ZC3H12B: variants seen among roughly 807,000 people sequenced by gnomAD.
ZC3H12B encodes zinc finger CCCH-type containing 12B.
A neutral mutation model predicts 43.9 loss-of-function variants in ZC3H12B; 7 were observed. The observed-to-expected ratio is 0.16, with a 90% CI of 0.09 to 0.30. The LOEUF is 0.30. ZC3H12B is among the 10% of genes least tolerant of loss of function. ZC3H12B has a pLI of 1.00. For synonymous variants in ZC3H12B, 222 were observed against 241.7 expected, an observed-to-expected ratio of 0.92 and a Z score of 0.76; for missense variants, 475 against 670.2, an observed-to-expected ratio of 0.71 and a Z score of 3.22.
the ZC3H12B span, among the ~76,000 whole-genome samples, chrX:65,069,420 GA>G: frequency 7.9e-4 from 86 of 109,534 alleles, no homozygotes; most frequent in African/African-American, 2.8e-3. Context: ...TTCTGCTACT[GA>G]AGGACTTTGA....
At chrX:65,214,126 T>C in the ZC3H12B span, among the ~76,000 whole-genome samples, 1 of 111,479 alleles carries the variant, frequency 9.0e-6, no homozygotes, top group African/African-American at 3.3e-5. Context: ...AGTTGTAATA[T>C]TTTTACTGGT....
chrX:65,379,665 C>T (rs1007462777), intron 2 of ZC3H12B, among the ~76,000 whole-genome samples: 54 of 111,833 alleles, frequency 4.8e-4, no homozygotes, highest in Admixed American at 6.6e-4. Context: ...ATCCAAGCTA[C>T]GGGAGGACAT....
the ZC3H12B span, among the ~76,000 whole-genome samples, chrX:65,102,794 T>G: frequency 9.0e-6 from 1 of 111,441 alleles, no homozygotes; most frequent in Admixed American, 9.5e-5. Context: ...AGAGAAATTT[T>G]AAAGCTGGGT....
the ZC3H12B span, among the ~76,000 whole-genome samples, chrX:65,159,801 G>T: frequency 7.2e-5 from 8 of 111,631 alleles, no homozygotes; most frequent in South Asian, 3.8e-4. Flanking sequence ...AACACTATGT[G>T]GAAGAGGAGT....
At chrX:65,195,496 T>C in the ZC3H12B span, among the ~76,000 whole-genome samples, 2 of 112,507 alleles carry the variant, frequency 1.8e-5, no homozygotes, top group African/African-American at 6.5e-5. Flanking sequence ...AACTTTTTGT[T>C]GTTTCTATGT....
the ZC3H12B span, chrX:65,185,854 G>A: frequency 9.0e-6 from 1 of 111,363 alleles, no homozygotes; most frequent in Non-Finnish European, 1.9e-5. Flanking sequence ...ATTTCCTAAA[G>A]CTCATATAGC....
At chrX:65,257,628 A>T in the ZC3H12B span, among the ~76,000 whole-genome samples, 1 of 111,219 alleles carries the variant, frequency 9.0e-6, no homozygotes, top group East Asian at 2.8e-4. Flanking sequence ...CTTTAAAAAA[A>T]AATAGACTGC....
chrX:65,038,892 T>A, the ZC3H12B span, among the ~76,000 whole-genome samples: 1 of 111,652 alleles, frequency 9.0e-6, no homozygotes, highest in Admixed American at 9.5e-5. Context: ...CTTTATTATA[T>A]CATTGGACTA....
chrX:65,299,056 T>A, the ZC3H12B span, among the ~76,000 whole-genome samples: 1 of 111,655 alleles, frequency 9.0e-6, no homozygotes, highest in Non-Finnish European at 1.9e-5. Flanking sequence ...GGAATTATAA[T>A]TCAAGGTGAG....
intron 1 of ZC3H12B, among the ~76,000 whole-genome samples, chrX:65,491,715 ATAT>A (rs1487545735): frequency 5.9e-4 from 54 of 91,017 alleles, no homozygotes; most frequent in African/African-American, 2.4e-3. Flanking sequence ...TAAAAAAAAA[ATAT>A]ATATATATAT....
the ZC3H12B span, among the ~76,000 whole-genome samples, chrX:65,070,645 T>C: frequency 9.0e-6 from 1 of 110,692 alleles, no homozygotes; most frequent in African/African-American, 3.3e-5. Context: ...TTTGTTCTCA[T>C]CAGTTTCAAA....
At chrX:65,173,983 C>G in the ZC3H12B span, among the ~76,000 whole-genome samples, 2 of 111,534 alleles carry the variant, frequency 1.8e-5, no homozygotes, top group Non-Finnish European at 3.8e-5. Flanking sequence ...AGTTTTTCTT[C>G]TAGCTGTCAG....
chrX:65,214,816 C>A, the ZC3H12B span, among the ~76,000 whole-genome samples: 1 of 111,667 alleles, frequency 9.0e-6, no homozygotes, highest in African/African-American at 3.3e-5. Context: ...GAATCACTGT[C>A]TCTGACAGCT....
intron 3 of ZC3H12B, among the ~76,000 whole-genome samples, chrX:65,454,991 C>G (rs1437518945): frequency 8.9e-6 from 1 of 111,781 alleles, no homozygotes; most frequent in Non-Finnish European, 1.9e-5. Flanking sequence ...TTACCATCAT[C>G]AAAGACCAAA....
the ZC3H12B span, among the ~76,000 whole-genome samples, chrX:65,088,080 A>G: frequency 0.24 from 26,782 of 111,412 alleles, 7,710 homozygotes; most frequent in African/African-American, 0.83. Context: ...TACAGTCTGT[A>G]GCCTCCAGAT....
At chrX:65,043,414 C>A in the ZC3H12B span, among the ~76,000 whole-genome samples, 1 of 110,104 alleles carries the variant, frequency 9.1e-6, no homozygotes. Context: ...CAAATTGAGA[C>A]CCAGAGATAA....
At chrX:65,201,755 C>T in the ZC3H12B span, among the ~76,000 whole-genome samples, 3 of 106,970 alleles carry the variant, frequency 2.8e-5, no homozygotes, top group African/African-American at 6.8e-5. Context: ...CGCCACAAAT[C>T]TCATCTTGAA....
the ZC3H12B span, among the ~76,000 whole-genome samples, chrX:65,144,039 C>G: frequency 9.0e-6 from 1 of 111,337 alleles, no homozygotes; most frequent in African/African-American, 3.3e-5. Flanking sequence ...GGGGAAGGTT[C>G]CCTCTTCATT....
chrX:65,437,031 C>A (rs2067229936), intron 3 of ZC3H12B, among the ~76,000 whole-genome samples: 1 of 110,416 alleles, frequency 9.1e-6, no homozygotes, highest in African/African-American at 3.3e-5. Context: ...TGGCTCACTG[C>A]AGCCTCCACC....
Sources: gnomAD v4.1 joint callset for allele counts (sites outside exome capture counted in the v4.1 genomes callset) on GRCh38, gnomAD v4.1.1 for gene constraint, MANE v1.5 for transcripts, NCBI Gene and HGNC (gene_info 2026-07-23, HGNC 2026-07-21) for gene names.